SIPA1L1: variants seen among roughly 807,000 people sequenced by gnomAD.
SIPA1L1 encodes the protein signal induced proliferation associated 1 like 1, also known as signal-induced proliferation-associated 1-like protein 1.
In SIPA1L1, 26 loss-of-function variants were observed where a neutral mutation model predicts 162.7. The ratio of observed to expected loss-of-function variants is 0.16; its 90% CI spans 0.12 to 0.22. The LOEUF (loss-of-function observed/expected upper bound fraction) is 0.22. Ranked by LOEUF, SIPA1L1 falls within the 10% of genes least tolerant of loss-of-function variation. The probability of loss-of-function intolerance (pLI) is 1.00; values close to 1 mark genes in which losing one functional copy is unlikely to be tolerated. For missense variants in SIPA1L1, 1,874 were observed against 2,241.0 expected (o/e 0.84, Z 3.31); for synonymous variants, 829 against 837.4 (o/e 0.99, Z 0.17).
At chr14:71,492,671 T>C (rs918596889) in intron 2 of SIPA1L1, among the ~76,000 whole-genome samples, 2 of 152,228 alleles carry the variant, frequency 1.3e-5, no homozygotes, top group African/African-American at 4.8e-5. Flanking sequence ...AGGAGCTCAC[T>C]CTCTCGCCCA....
chr14:71,603,284 A>T (rs953781533), intron 5 of SIPA1L1, among the ~76,000 whole-genome samples: 8 of 151,472 alleles, frequency 5.3e-5, no homozygotes, highest in South Asian at 2.1e-4. Flanking sequence ...TCATATATAT[A>T]TTTTTTTTCA....
At chr14:71,555,012 C>G (rs1372512847) in intron 4 of SIPA1L1, among the ~76,000 whole-genome samples, 2 of 152,068 alleles carry the variant, frequency 1.3e-5, no homozygotes, top group African/African-American at 4.8e-5. Context: ...ATTAATACCT[C>G]TTATTTTTCT....
chr14:71,525,341 C>G (rs1283240734), intron 3 of SIPA1L1, among the ~76,000 whole-genome samples: 1 of 152,124 alleles, frequency 6.6e-6, no homozygotes, highest in African/African-American at 2.4e-5. Context: ...TGCCACCACA[C>G]CCGGCTAATT....
intron 5 of SIPA1L1, among the ~76,000 whole-genome samples, chr14:71,607,575 G>A (rs1228463637): frequency 6.6e-6 from 1 of 152,084 alleles, no homozygotes; most frequent in Non-Finnish European, 1.5e-5. Context: ...GTGATTCCTA[G>A]GGAGGGAGTT....
chr14:71,376,358 T>C (rs2039370991), intron 2 of SIPA1L1, among the ~76,000 whole-genome samples: 1 of 151,982 alleles, frequency 6.6e-6, no homozygotes, highest in Admixed American at 6.6e-5. Context: ...TTTTTTTTTT[T>C]CTAGTAGGCA....
At chr14:71,602,029 A>AT (rs1357224521) in intron 5 of SIPA1L1, among the ~76,000 whole-genome samples, 1 of 145,526 alleles carries the variant, frequency 6.9e-6, no homozygotes, top group African/African-American at 2.5e-5. Context: ...TATTTTGTAG[A>AT]TTTTTTTCTA....
chr14:71,341,659 C>CT (rs1260597182), intron 2 of SIPA1L1, among the ~76,000 whole-genome samples: 4 of 152,160 alleles, frequency 2.6e-5, no homozygotes, highest in African/African-American at 9.6e-5. Context: ...CCCTCTCTCT[C>CT]TCCCCTCTCT....
At chr14:71,421,439 GA>G (rs1331522563) in intron 2 of SIPA1L1, among the ~76,000 whole-genome samples, 4 of 150,184 alleles carry the variant, frequency 2.7e-5, no homozygotes, top group Non-Finnish European at 5.9e-5. Flanking sequence ...ACAAAAACGA[GA>G]AAAAAAAAGG....
In SIPA1L1 at chr14:71,618,894, C is replaced by T. The variant is rs375020047; in HGVS notation, c.1629+7C>T. ...AATTTTTAGAACTAGTGAGGTAAGTCGCAAATGAGAGAGGTTTGAGGTTTA... is the reference window on the plus strand; with the variant it reads ...AATTTTTAGAACTAGTGAGGTAAGTTGCAAATGAGAGAGGTTTGAGGTTTA... On this transcript the variant is annotated splice_region_variant and intron_variant, in intron 6 of 23. Coordinates refer to ENST00000381232, the MANE Select transcript of SIPA1L1 (RefSeq NM_001386936.1). The T allele has an allele frequency of 1.7e-5, 27 of 1,611,742 alleles. No homozygotes were observed. Among genetic ancestry groups the T allele is most frequent in the Admixed American group, 8.4e-5 (5 of 59,698 alleles).
chr14:71,700,994 CAAAAAAAAAAAAAAAAAAAAAAAA>C (rs539293669), intron 14 of SIPA1L1, among the ~76,000 whole-genome samples: 62 of 51,748 alleles, frequency 1.2e-3, no homozygotes, highest in Admixed American at 2.4e-3. Context: ...GACTCCGTCT[CAAAAAAAAAAAAAAAAAAAAAAAA>C]AAAAAAAAAA....
chr14:71,686,033 G>A (rs1273913719), intron 13 of SIPA1L1, among the ~76,000 whole-genome samples: 1 of 152,128 alleles, frequency 6.6e-6, no homozygotes, highest in Non-Finnish European at 1.5e-5. Flanking sequence ...GCAGGTTTTT[G>A]GTTGAATAAC....
chr14:71,685,091 A>G (rs1462374321), intron 12 of SIPA1L1, among the ~76,000 whole-genome samples: 1 of 152,154 alleles, frequency 6.6e-6, no homozygotes, highest in African/African-American at 2.4e-5. Context: ...GGCCACCCCC[A>G]GGGTGTCCGT....
At chr14:71,678,494 C>T (rs1377491583) in intron 12 of SIPA1L1, among the ~76,000 whole-genome samples, 1 of 152,158 alleles carries the variant, frequency 6.6e-6, no homozygotes, top group Non-Finnish European at 1.5e-5. Context: ...ATGAAGCCCA[C>T]TTGATCATGG....
intron 2 of SIPA1L1, among the ~76,000 whole-genome samples, chr14:71,405,594 C>T (rs1566980582): frequency 6.6e-6 from 1 of 152,116 alleles, no homozygotes; most frequent in Non-Finnish European, 1.5e-5. Flanking sequence ...AGCTTACTGC[C>T]CATTACAAAA....
intron 17 of SIPA1L1, among the ~76,000 whole-genome samples, chr14:71,714,340 G>C (rs2083100731): frequency 6.6e-6 from 1 of 152,194 alleles, no homozygotes; most frequent in South Asian, 2.1e-4. Context: ...GCTTGATGCA[G>C]ATCTCACCAA....
chr14:71,404,933 A>C (rs2041935736), intron 2 of SIPA1L1, among the ~76,000 whole-genome samples: 1 of 152,222 alleles, frequency 6.6e-6, no homozygotes, highest in Admixed American at 6.5e-5. Flanking sequence ...GGTTCTTGGT[A>C]TTGTAATAGT....
At chr14:71,416,785 AGTTTT>A (rs2042803239) in intron 2 of SIPA1L1, among the ~76,000 whole-genome samples, 1 of 151,964 alleles carries the variant, frequency 6.6e-6, no homozygotes, top group Admixed American at 6.6e-5. Context: ...GTATATATAT[AGTTTT>A]ATGTGTACCT....
intron 4 of SIPA1L1, among the ~76,000 whole-genome samples, chr14:71,554,544 G>C (rs908806695): frequency 2.0e-5 from 3 of 152,164 alleles, no homozygotes; most frequent in Non-Finnish European, 4.4e-5. Context: ...GCATTCTTGA[G>C]TAACACTTCC....
chr14:71,502,803 C>T (rs1056141118), intron 2 of SIPA1L1, among the ~76,000 whole-genome samples: 1 of 152,102 alleles, frequency 6.6e-6, no homozygotes, highest in Non-Finnish European at 1.5e-5. Flanking sequence ...CGTGTTCTGC[C>T]ACATGTTAAT....
Sources: gnomAD v4.1 joint callset for allele counts (sites outside exome capture counted in the v4.1 genomes callset) on GRCh38, gnomAD v4.1.1 for gene constraint, MANE v1.5 for transcripts, NCBI Gene and HGNC (gene_info 2026-07-23, HGNC 2026-07-21) for gene names.